MNAT1: variants seen among roughly 807,000 people sequenced by gnomAD.
MNAT1 encodes MNAT1 component of CDK activating kinase.
MNAT1 carries 43 observed loss-of-function variants against 42.0 expected under a neutral mutation model. The ratio of observed to expected loss-of-function variants is 1.02; its 90% CI spans 0.80 to 1.32. The LOEUF is 1.32. MNAT1 is among the 40% of genes most tolerant of loss of function. MNAT1 has a pLI of 0.00. For missense variants in MNAT1, 306 were observed against 350.4 expected (o/e 0.87, Z 1.01); for synonymous variants, 118 against 120.0 (o/e 0.98, Z 0.11).
At chr14:60,933,845 A>G (rs2035937804) in intron 7 of MNAT1, among the ~76,000 whole-genome samples, 1 of 152,170 alleles carries the variant, frequency 6.6e-6, no homozygotes, top group Admixed American at 6.6e-5. Flanking sequence ...CAGAAAATCT[A>G]CGCACATTGT....
intron 1 of MNAT1, among the ~76,000 whole-genome samples, chr14:60,781,621 AT>A (rs2031462089): frequency 6.6e-6 from 1 of 152,096 alleles, no homozygotes; most frequent in Non-Finnish European, 1.5e-5. Flanking sequence ...ATAAAATGAA[AT>A]TTATCAATCT....
At position 60,905,808 on chromosome 14, in the gene MNAT1, C is replaced by G. The variant is rs184777005; in HGVS notation, c.809+25973C>G. On this transcript the variant is annotated intron_variant, in intron 7 of 7. Transcript: ENST00000261245. ...CTCAGCTGGATTGGATGACATCCAT[C>G]CACATTGGTGAGGGTGTATATTTTG... 6.5e-4 allele frequency among the ~76,000 whole-genome samples: 99 copies of G among 152,270 alleles called. No homozygotes were observed. The South Asian group carries it at 8.3e-3, about 13-fold the overall frequency.
chr14:60,911,461 A>G (rs1392920772), intron 7 of MNAT1, among the ~76,000 whole-genome samples: 2 of 152,058 alleles, frequency 1.3e-5, no homozygotes, highest in East Asian at 1.9e-4. Context: ...GTGGGCACTT[A>G]GTGCTATAAA....
chr14:60,743,374 C>T (rs966432725), intron 1 of MNAT1, among the ~76,000 whole-genome samples: 12 of 152,070 alleles, frequency 7.9e-5, no homozygotes, highest in Admixed American at 3.9e-4. Flanking sequence ...CTGCAGCCTC[C>T]GCCTCCCAGG....
intron 6 of MNAT1, among the ~76,000 whole-genome samples, chr14:60,853,375 T>C (rs1483515281): frequency 2.6e-5 from 4 of 152,186 alleles, no homozygotes; most frequent in Non-Finnish European, 5.9e-5. Context: ...GGAATACTTG[T>C]GATTTTTGCT....
intron 1 of MNAT1, among the ~76,000 whole-genome samples, chr14:60,772,204 T>C (rs1291268894): frequency 6.6e-6 from 1 of 152,184 alleles, no homozygotes; most frequent in East Asian, 1.9e-4. Context: ...CAAGGCTGCA[T>C]TGTGCTCTGA....
rs2036724508 is a variant in MNAT1, at chr14:60,968,502, TTGAG to T, written c.*155_*158del. 4 of 1,487,870 alleles carry T rather than the reference TTGAG, an allele frequency of 2.7e-6. No individual in the cohort carries two copies. Among genetic ancestry groups the T allele is most frequent in the Non-Finnish European group, 3.6e-6 (4 of 1,119,244 alleles). The allele number at this position is 1,487,870 out of a possible 1,614,324, so 92.2% of individuals were successfully genotyped here. A position where few individuals can be genotyped will look rare whatever the true frequency, so the allele number is the denominator to read the frequency against. On this transcript the variant is annotated 3_prime_UTR_variant, in exon 8 of 8. Coordinates refer to ENST00000261245, the MANE Select transcript of MNAT1 (RefSeq NM_002431.4). Reference sequence around the variant, plus strand: ...ATAAGGAGAAAATTTCAGAACTAAGTTGAGTAATATAGGGGATATATATTTGTGA... The same window carrying T: ...ATAAGGAGAAAATTTCAGAACTAAGTTAATATAGGGGATATATATTTGTGA...
At chr14:60,746,939 C>T (rs1175087646) in intron 1 of MNAT1, among the ~76,000 whole-genome samples, 7,756 of 20,186 alleles carry the variant, frequency 0.38, 1,705 homozygotes, top group Non-Finnish European at 0.61. Flanking sequence ...CACACACACA[C>T]ACACACACAC....
chr14:60,908,590 G>C (rs1056981915), intron 7 of MNAT1, among the ~76,000 whole-genome samples: 1 of 150,828 alleles, frequency 6.6e-6, no homozygotes. Flanking sequence ...TTTTGTCCTT[G>C]CGATAGTTTG....
rs148513019 is a variant in MNAT1, at chr14:60,866,774, G to A, written c.688-12940G>A. ...TAGTTGTAATTATATATTATTTGAG[G>A]ATCTTTAATGATACTAACCTTTTAC... On this transcript the variant is annotated intron_variant, in intron 6 of 7. Coordinates refer to ENST00000261245, the MANE Select transcript of MNAT1 (RefSeq NM_002431.4). 5.2e-3 allele frequency among the ~76,000 whole-genome samples: 783 copies of A among 152,018 alleles called. 14 individuals are homozygous for A. The highest frequency in any genetic ancestry group is 0.018 in the African/African-American group (735 of 41,514).
chr14:60,804,092 C>T (rs969953847), intron 3 of MNAT1, among the ~76,000 whole-genome samples: 1 of 152,128 alleles, frequency 6.6e-6, no homozygotes, highest in African/African-American at 2.4e-5. Flanking sequence ...GTCCTAAGGG[C>T]TTTAATTATA....
chr14:60,805,627 T>A (rs2032343651), intron 3 of MNAT1, among the ~76,000 whole-genome samples: 1 of 152,232 alleles, frequency 6.6e-6, no homozygotes, highest in African/African-American at 2.4e-5. Context: ...TTTTGACTTT[T>A]CCAGAATGTT....
At chr14:60,867,209 AT>A (rs1421163062) in intron 6 of MNAT1, among the ~76,000 whole-genome samples, 4 of 152,148 alleles carry the variant, frequency 2.6e-5, no homozygotes, top group African/African-American at 9.6e-5. Context: ...TTTCAAGCAT[AT>A]CATGTGTATT....
intron 7 of MNAT1, among the ~76,000 whole-genome samples, chr14:60,909,666 C>G (rs528778475): frequency 2.4e-4 from 36 of 152,198 alleles, no homozygotes; most frequent in African/African-American, 8.0e-4. Context: ...GGGCTCTGTT[C>G]TGTTCCATTG....
intron 6 of MNAT1, among the ~76,000 whole-genome samples, chr14:60,835,737 C>A (rs1161933406): frequency 1.3e-5 from 2 of 152,128 alleles, no homozygotes; most frequent in African/African-American, 4.8e-5. Flanking sequence ...CGAGGATTAT[C>A]TTTGTGGTGG....
At chr14:60,817,825 T>G (rs1482772965) in intron 5 of MNAT1, among the ~76,000 whole-genome samples, 2 of 151,996 alleles carry the variant, frequency 1.3e-5, no homozygotes, top group African/African-American at 4.8e-5. Context: ...GATAAAAATG[T>G]ATTTGACCTT....
At chr14:60,904,982 T>TTTTTTC (rs1224447260) in intron 7 of MNAT1, among the ~76,000 whole-genome samples, 1 of 130,246 alleles carries the variant, frequency 7.7e-6, no homozygotes, top group African/African-American at 2.8e-5. Context: ...GTTCCTTTTT[T>TTTTTTC]TTTTTTTTTT....
chr14:60,929,162 AAAAAAAAAATATATAT>A (rs1207260916), intron 7 of MNAT1, among the ~76,000 whole-genome samples: 8 of 127,980 alleles, frequency 6.3e-5, no homozygotes, highest in African/African-American at 2.8e-4. Context: ...AAAAAAAAAA[AAAAAAAAAATATATAT>A]ATATATATAT....
At chr14:60,848,918 T>C (rs2033749496) in intron 6 of MNAT1, among the ~76,000 whole-genome samples, 1 of 152,190 alleles carries the variant, frequency 6.6e-6, no homozygotes, top group African/African-American at 2.4e-5. Context: ...TGTCTATAAA[T>C]ATTTAACTCT....
Sources: allele counts gnomAD v4.1 joint callset (sites outside exome capture counted in the v4.1 genomes callset), GRCh38; gene constraint gnomAD v4.1.1; transcripts MANE v1.5; gene names NCBI Gene and HGNC (gene_info 2026-07-23, HGNC 2026-07-21).